Variants in PTPRD observed in about 807,000 individuals in gnomAD.
The protein encoded by PTPRD is receptor-type tyrosine-protein phosphatase delta.
In PTPRD, 34 loss-of-function variants were observed where a neutral mutation model predicts 214.5. The observed-to-expected ratio is 0.16, with a 90% CI of 0.12 to 0.21. PTPRD has a LOEUF of 0.21. Among genes scored for constraint, PTPRD ranks in the 10% least tolerant of loss-of-function variants. The pLI is 1.00. For missense variants in PTPRD, 2,545 were observed against 2,398.7 expected (o/e 1.06, Z -1.27); for synonymous variants, 1,128 against 845.7 (o/e 1.33, Z -5.79).
intron 12 of PTPRD, among the ~76,000 whole-genome samples, chr9:8,660,644 A>G (rs1482647808): frequency 2.6e-5 from 4 of 152,078 alleles, no homozygotes; most frequent in Non-Finnish European, 4.4e-5. Flanking sequence ...CTGAAACCAC[A>G]AACTAAACTG....
At chr9:9,881,392 A>T (rs2068640318) in intron 5 of PTPRD, among the ~76,000 whole-genome samples, 1 of 152,102 alleles carries the variant, frequency 6.6e-6, no homozygotes, top group Admixed American at 6.6e-5. Context: ...CTACTTCCCC[A>T]GTTCTCTGCT....
chr9:9,741,307 AT>A (rs2098398654), intron 6 of PTPRD, among the ~76,000 whole-genome samples: 1 of 152,136 alleles, frequency 6.6e-6, no homozygotes, highest in African/African-American at 2.4e-5. Flanking sequence ...AGGACACAGA[AT>A]TAATAACCAA....
chr9:9,893,619 A>G (rs1041964602), intron 5 of PTPRD, among the ~76,000 whole-genome samples: 1 of 152,174 alleles, frequency 6.6e-6, no homozygotes, highest in African/African-American at 2.4e-5. Context: ...TGTTGTTTTG[A>G]CATTGGAGAA....
In PTPRD at chr9:9,932,265, G is replaced by A. The variant is rs1167681648; in HGVS notation, c.-368+6242C>T. Among the ~76,000 whole-genome samples the A allele has an allele frequency of 7.4e-5, 11 of 149,576 alleles. No homozygotes were observed. The South Asian group carries it at 1.0e-3, about 14-fold the overall frequency. ...GAGCTGAGAGAAGAAGGCTTCAGAC[G>A]ATCAAATTACTCTGAGCTACGGGAG... On this transcript the variant is annotated intron_variant, in intron 5 of 45. Transcript: ENST00000381196.
chr9:9,777,028 C>A (rs1272433498), intron 5 of PTPRD, among the ~76,000 whole-genome samples: 1 of 152,166 alleles, frequency 6.6e-6, no homozygotes, highest in African/African-American at 2.4e-5. Context: ...CTGGGTACCA[C>A]TGAAGAGTTG....
chr9:8,708,933 G>T (rs1456328766), intron 12 of PTPRD, among the ~76,000 whole-genome samples: 1 of 152,076 alleles, frequency 6.6e-6, no homozygotes, highest in Admixed American at 6.5e-5. Flanking sequence ...AGAATGAAAT[G>T]CTGTCATTTG....
intron 3 of PTPRD, among the ~76,000 whole-genome samples, chr9:10,101,668 G>A (rs1340192912): frequency 2.6e-5 from 4 of 151,486 alleles, no homozygotes; most frequent in South Asian, 2.1e-4. Context: ...ACACCTATAC[G>A]GTATATTTTA....
At chr9:9,665,835 G>A (rs960891846) in intron 7 of PTPRD, among the ~76,000 whole-genome samples, 1 of 151,786 alleles carries the variant, frequency 6.6e-6, no homozygotes, top group Admixed American at 6.6e-5. Context: ...CAAAATTCCA[G>A]GGAGCACATT....
chr9:9,030,276 C>CTTTTTTTTTTTT lies in PTPRD; in HGVS notation c.-142-11553_-142-11542dup, dbSNP rs71317396. On this transcript the variant is annotated intron_variant, in intron 10 of 45. Coordinates refer to ENST00000381196, the MANE Select transcript of PTPRD (RefSeq NM_002839.4). Reference sequence around the variant, plus strand: ...TTGGATCACATGGGCCACACTTGGGCTTTTTTTTTTTTTTTTTTTTTTTTT... The same window carrying CTTTTTTTTTTTT: ...TTGGATCACATGGGCCACACTTGGGCTTTTTTTTTTTTTTTTTTTTTTTTTTTTTTTTTTTTT... Among the ~76,000 whole-genome samples the CTTTTTTTTTTTT allele has an allele frequency of 2.1e-4, 8 of 37,926 alleles. 1 individual carries two copies. The highest frequency in any genetic ancestry group is 6.5e-4 in the African/African-American group (6 of 9,206). 24.9% of individuals were successfully genotyped at this position (37,926 alleles called of 152,430 possible).
intron 2 of PTPRD, among the ~76,000 whole-genome samples, chr9:10,528,112 C>A (rs781310415): frequency 6.6e-6 from 1 of 152,114 alleles, no homozygotes; most frequent in Non-Finnish European, 1.5e-5. Flanking sequence ...TCAGCAAGGG[C>A]AGGAGCCTGA....
chr9:9,151,190 T>C (rs1179084692), intron 10 of PTPRD, among the ~76,000 whole-genome samples: 1 of 152,248 alleles, frequency 6.6e-6, no homozygotes, highest in Non-Finnish European at 1.5e-5. Flanking sequence ...TGAATTCTAG[T>C]CCTTCAGAAT....
intron 5 of PTPRD, among the ~76,000 whole-genome samples, chr9:9,855,744 C>G (rs2061432821): frequency 6.6e-6 from 1 of 152,172 alleles, no homozygotes. Flanking sequence ...CTTTTGGGAG[C>G]TGGGAGGAGC....
chr9:8,766,177 T>A (rs78582128), intron 11 of PTPRD, among the ~76,000 whole-genome samples: 1,670 of 149,486 alleles, frequency 0.011, 10 homozygotes, highest in Non-Finnish European at 0.018. Context: ...CATTTCGTTT[T>A]ACCACTGATG....
intron 5 of PTPRD, among the ~76,000 whole-genome samples, chr9:9,838,474 G>A (rs1436626961): frequency 1.2e-4 from 19 of 152,276 alleles, no homozygotes; most frequent in Admixed American, 2.6e-4. Context: ...ACTGGTGTGA[G>A]ATTGTATCTC....
At chr9:9,912,779 G>A (rs1010313735) in intron 5 of PTPRD, among the ~76,000 whole-genome samples, 1 of 152,244 alleles carries the variant, frequency 6.6e-6, no homozygotes, top group South Asian at 2.1e-4. Context: ...CAGATGTAAA[G>A]ATTTTTTTTC....
chr9:10,018,199 G>T (rs1239725224), intron 4 of PTPRD, among the ~76,000 whole-genome samples: 1 of 151,922 alleles, frequency 6.6e-6, no homozygotes, highest in Admixed American at 6.6e-5. Context: ...GGAGGAGAGA[G>T]AGAGAAGGAG....
intron 7 of PTPRD, among the ~76,000 whole-genome samples, chr9:9,633,026 G>A (rs886285942): frequency 1.3e-5 from 2 of 152,152 alleles, no homozygotes; most frequent in African/African-American, 4.8e-5. Flanking sequence ...TAGGCATGGT[G>A]GTTCACGCCT....
chr9:8,490,494 C>A (rs902170166), intron 27 of PTPRD, among the ~76,000 whole-genome samples: 1 of 152,162 alleles, frequency 6.6e-6, no homozygotes, highest in Non-Finnish European at 1.5e-5. Context: ...CTCCCTGTCA[C>A]AGTCATCTTT....
intron 3 of PTPRD, among the ~76,000 whole-genome samples, chr9:10,122,872 G>C (rs746485165): frequency 9.2e-5 from 14 of 152,206 alleles, no homozygotes; most frequent in Non-Finnish European, 1.5e-4. Flanking sequence ...ACTGGAACCT[G>C]TTGGTGAGAG....
Sources: allele counts gnomAD v4.1 joint callset (sites outside exome capture counted in the v4.1 genomes callset), GRCh38; gene constraint gnomAD v4.1.1; transcripts MANE v1.5; gene names NCBI Gene and HGNC (gene_info 2026-07-23, HGNC 2026-07-21).